DEGS2: variants seen among roughly 807,000 people sequenced by gnomAD.
DEGS2 encodes the protein delta 4-desaturase, sphingolipid 2, also known as sphingolipid delta(4)-desaturase/C4-monooxygenase DES2.
A neutral mutation model predicts 23.8 loss-of-function variants in DEGS2; 19 were observed. The ratio of observed to expected loss-of-function variants is 0.80; its 90% CI spans 0.56 to 1.17. The LOEUF (loss-of-function observed/expected upper bound fraction) is 1.17. Ranked by LOEUF, DEGS2 falls within the 50% of genes most tolerant of loss-of-function variation. The pLI is 0.00. For synonymous variants in DEGS2, 218 were observed against 213.7 expected, an observed-to-expected ratio of 1.02 and a Z score of -0.18; for missense variants, 390 against 459.5, an observed-to-expected ratio of 0.85 and a Z score of 1.38.
At chr14:100,154,345 C>G (rs1272719328) in intron 1 of DEGS2, among the ~76,000 whole-genome samples, 1 of 110,890 alleles carries the variant, frequency 9.0e-6, no homozygotes, top group African/African-American at 3.8e-5. Flanking sequence ...AGCCTGGCAA[C>G]AAAGCGTCTC....
At position 100,150,313 on chromosome 14, in the gene DEGS2, G is replaced by C. The variant is rs1889546269; in HGVS notation, c.83-603C>G. Among the ~76,000 whole-genome samples the C allele has an allele frequency of 2.0e-5, 3 of 152,198 alleles. No homozygotes were observed. The South Asian group carries it at 6.2e-4, about 32-fold the overall frequency. On this transcript the variant is annotated intron_variant, in intron 1 of 2. Coordinates refer to ENST00000305631, the MANE Select transcript of DEGS2 (RefSeq NM_206918.3). ...TGCCCACTGCCTCCCTCTTACCCAG[G>C]GACGCCCCTGCCCCCAGGGCAGTAG...
rs908978592 is a variant in DEGS2, at chr14:100,144,115, G to A, written c.*2646C>T. ...GCGGTGACAGCCGGCCCAGCGTGGC[G>A]CCACCACACACCGCAGAGCTGTCCA... is the stretch of plus-strand genomic sequence containing the variant. On this transcript the variant is annotated 3_prime_UTR_variant, in exon 3 of 3. Coordinates refer to ENST00000305631, the MANE Select transcript of DEGS2 (RefSeq NM_206918.3). 19 of 317,578 alleles carry A rather than the reference G, an allele frequency of 6.0e-5. No homozygotes were observed. Among genetic ancestry groups the A allele is most frequent in the Non-Finnish European group, 9.5e-5 (16 of 168,756 alleles). The allele number at this position is 317,578 out of a possible 1,614,324, so 19.7% of individuals were successfully genotyped here. A position where few individuals can be genotyped will look rare whatever the true frequency, so the allele number is the denominator to read the frequency against.
chr14:100,159,018 C>T (rs529752542), intron 1 of DEGS2, among the ~76,000 whole-genome samples: 1 of 152,232 alleles, frequency 6.6e-6, no homozygotes, highest in Non-Finnish European at 1.5e-5. Flanking sequence ...CCCTTCCCGG[C>T]GCTCATCCGC....
rs74085154 is a variant in DEGS2 at position 100,150,724 on chromosome 14, T to C, written c.83-1014A>G. On this transcript the variant is annotated intron_variant, in intron 1 of 2. Coordinates refer to ENST00000305631, the MANE Select transcript of DEGS2 (RefSeq NM_206918.3). The stretch of plus-strand genomic sequence containing the variant: ...CTCCCTGTGCCCTGTGCAGCCGCCT[T>C]TCAGGGAGCCCCGTGCCCTTCCCGC... Among the ~76,000 whole-genome samples the C allele has an allele frequency of 0.015, 2,220 of 152,220 alleles. 104 individuals are homozygous for C. The East Asian group carries it at 0.18, about 12-fold the overall frequency.
rs57054947 is a variant in DEGS2, at chr14:100,159,359, A to G, written c.82+147T>C. The G allele has an allele frequency of 4.1e-3, 2,467 of 595,864 alleles. 63 individuals carry two copies. In the African/African-American group the frequency reaches 0.045, roughly 11 times the overall value. 36.9% of individuals were successfully genotyped at this position (595,864 alleles called of 1,614,324 possible). A position where few individuals can be genotyped will look rare whatever the true frequency, so the allele number is the denominator to read the frequency against. On this transcript the variant is annotated intron_variant, in intron 1 of 2. Transcript: ENST00000305631. ...GGGACCCTCGGGGAGCCGGCCGGGGACCCCAGGGAGGGGAGCGGCAATGGC... is the reference window on the plus strand; with the variant it reads ...GGGACCCTCGGGGAGCCGGCCGGGGGCCCCAGGGAGGGGAGCGGCAATGGC...
chr14:100,153,026 G>A (rs1440501882), intron 1 of DEGS2, among the ~76,000 whole-genome samples: 5 of 152,102 alleles, frequency 3.3e-5, no homozygotes, highest in Non-Finnish European at 5.9e-5. Context: ...GGAGGCTGAG[G>A]CAGGAGGTTT....
chr14:100,148,842 C>G, intron 2 of DEGS2, 126 bp downstream of exon 2: 1 of 1,138,812 alleles, frequency 8.8e-7, no homozygotes, highest in East Asian at 2.4e-5. Flanking sequence ...TGCAAGTGGC[C>G]ATGCCATGAC....
chr14:100,146,586 G>A lies in DEGS2; in HGVS notation c.*175C>T. 2 of 898,182 alleles carry A rather than the reference G, an allele frequency of 2.2e-6. No homozygotes were observed. Among genetic ancestry groups the A allele is most frequent in the Non-Finnish European group, 3.3e-6 (2 of 599,700 alleles). 55.6% of individuals were successfully genotyped at this position (898,182 alleles called of 1,614,324 possible). The stretch of plus-strand genomic sequence containing the variant: ...CTCAAGGTCCAGGGCAAGTCCACGT[G>A]CAGACGGAGCCCTGCAGCCCACACT... On this transcript the variant is annotated 3_prime_UTR_variant, in exon 3 of 3. Coordinates refer to ENST00000305631, the MANE Select transcript of DEGS2 (RefSeq NM_206918.3).
intron 1 of DEGS2, among the ~76,000 whole-genome samples, chr14:100,151,152 T>G (rs1889565267): frequency 6.6e-6 from 1 of 152,182 alleles, no homozygotes; most frequent in African/African-American, 2.4e-5. Context: ...ATCTGGGAAA[T>G]GGGGACGCCA....
At chr14:100,163,301 C>G (rs551751349), upstream of DEGS2, among the ~76,000 whole-genome samples, 1 of 152,030 alleles carries the variant, frequency 6.6e-6, no homozygotes, top group Non-Finnish European at 1.5e-5. Flanking sequence ...ATTAGCCAGG[C>G]GTGGTGGCAC....
intron 1 of DEGS2, 58 bp downstream of exon 1, chr14:100,159,448 G>T: frequency 7.4e-7 from 1 of 1,348,022 alleles, no homozygotes; most frequent in South Asian, 1.5e-5. Context: ...CCCACGACGC[G>T]ACTCCAGACG....
At chr14:100,153,749 C>T (rs770969778) in intron 1 of DEGS2, among the ~76,000 whole-genome samples, 22 of 152,150 alleles carry the variant, frequency 1.4e-4, no homozygotes, top group Non-Finnish European at 2.8e-4. Flanking sequence ...TGCACAGCCA[C>T]CTGGAACCAA....
At position 100,149,675 on chromosome 14, in the gene DEGS2, C is replaced by T. The variant is rs1459845786; in HGVS notation, c.118G>A (p.Asp40Asn). ...YPAIKALMRP[D>N]PRLKWAVLVL... is the part of the protein sequence containing the mutation. ...AGCACCGCCCACTTGAGGCGCGGGT[C>T]TGGCCGCATCAGGGCCTTGATGGCC... Residue 40 changes from aspartate to asparagine, a missense_variant, in exon 2 of 3, where the codon GAC becomes AAC. Coordinates refer to ENST00000305631, the MANE Select transcript of DEGS2 (RefSeq NM_206918.3). The T allele has an allele frequency of 6.2e-7, 1 of 1,609,838 alleles. No individual in the cohort carries two copies. The highest frequency in any genetic ancestry group is 1.1e-5 in the South Asian group (1 of 90,738).
intron 2 of DEGS2, among the ~76,000 whole-genome samples, chr14:100,147,765 A>G (rs1181499107): frequency 1.3e-5 from 2 of 150,550 alleles, no homozygotes; most frequent in African/African-American, 4.9e-5. Flanking sequence ...CAGCGGGGCC[A>G]GCACCAGGCA....
intron 1 of DEGS2, among the ~76,000 whole-genome samples, chr14:100,158,365 C>G (rs1566743553): frequency 6.6e-6 from 1 of 151,786 alleles, no homozygotes; most frequent in African/African-American, 2.4e-5. Flanking sequence ...GAGCTAAGAT[C>G]GCGCCTAGCC....
intron 1 of DEGS2, among the ~76,000 whole-genome samples, chr14:100,153,398 G>A (rs1421206891): frequency 6.6e-6 from 1 of 152,206 alleles, no homozygotes; most frequent in Admixed American, 6.5e-5. Flanking sequence ...AAAGAAAGGG[G>A]GACAGGGAGA....
At position 100,149,556 on chromosome 14, in the gene DEGS2, G is replaced by T; in HGVS notation, c.237C>A (p.Cys79Ter). The T allele has an allele frequency of 6.2e-7, 1 of 1,606,898 alleles. No individual in the cohort carries two copies. ...LLFWAYAFGG[C>*]VNHSLTLAIH... ...TGGCCAGCGTCAGCGAGTGGTTCAC[G>T]CAGCCACCAAAGGCGTAGGCCCAGA... The change falls in exon 2 of 3, where the codon TGC becomes TGA. Residue 79 changes from cysteine (C) to a stop codon, truncating the protein, a stop_gained. Transcript: ENST00000305631. LOFTEE classifies it high-confidence loss of function.
chr14:100,153,395 G>C (rs1434489582), intron 1 of DEGS2, among the ~76,000 whole-genome samples: 1 of 152,226 alleles, frequency 6.6e-6, no homozygotes, highest in African/African-American at 2.4e-5. Flanking sequence ...CTCAAAGAAA[G>C]GGGGACAGGG....
At chr14:100,163,302 G>A (rs1220041717), upstream of DEGS2, among the ~76,000 whole-genome samples, 10 of 152,106 alleles carry the variant, frequency 6.6e-5, no homozygotes, top group African/African-American at 1.2e-4. Context: ...TTAGCCAGGC[G>A]TGGTGGCACA....
Sources: gnomAD v4.1 joint callset for allele counts (sites outside exome capture counted in the v4.1 genomes callset) on GRCh38, gnomAD v4.1.1 for gene constraint, MANE v1.5 for transcripts, NCBI Gene and HGNC (gene_info 2026-07-23, HGNC 2026-07-21) for gene names.